Variants in FAM20A observed in about 807,000 individuals in gnomAD.
FAM20A encodes the protein FAM20A golgi associated secretory pathway pseudokinase.
FAM20A carries 42 observed loss-of-function variants against 52.0 expected under a neutral mutation model. The observed-to-expected ratio is 0.81, with a 90% CI of 0.63 to 1.04. FAM20A has a LOEUF of 1.04. Ranked by LOEUF, FAM20A falls within the 50% of genes least tolerant of loss-of-function variation. The pLI, the probability that FAM20A is intolerant of heterozygous loss-of-function variation, is 0.00. For missense variants in FAM20A, 742 were observed against 712.7 expected (o/e 1.04, Z -0.47); for synonymous variants, 304 against 298.9 (o/e 1.02, Z -0.18).
At chr17:68,575,377 C>T (rs2143820235) in intron 1 of FAM20A, among the ~76,000 whole-genome samples, 1 of 125,234 alleles carries the variant, frequency 8.0e-6, no homozygotes, top group East Asian at 2.3e-4. Flanking sequence ...GTTCACTTTA[C>T]TTTACATATA....
At chr17:68,574,414 G>A (rs765364049) in intron 1 of FAM20A, among the ~76,000 whole-genome samples, 1 of 152,030 alleles carries the variant, frequency 6.6e-6, no homozygotes, top group African/African-American at 2.4e-5. Context: ...CCACTCCCAC[G>A]ATAACCCGTT....
In FAM20A at chr17:68,539,426, G is replaced by T. The variant is rs907879049; in HGVS notation, c.1302-30C>A. ...GAGGAGAAACAGGCTTTTATGGGTG[G>T]CCGGCAGCATCCTTTGCATTCCCCT... On this transcript the variant is annotated intron_variant, in intron 9 of 10. Transcript: ENST00000592554. The T allele has an allele frequency of 3.1e-6, 5 of 1,603,268 alleles. No homozygotes were observed. The African/African-American group carries it at 6.7e-5, about 21-fold the overall frequency.
intron 1 of FAM20A, among the ~76,000 whole-genome samples, chr17:68,596,292 A>G (rs1426123556): frequency 6.6e-6 from 1 of 152,234 alleles, no homozygotes; most frequent in Admixed American, 6.5e-5. Context: ...AGATGTCAAG[A>G]AAGAAAAGCA....
At chr17:68,546,192 A>G (rs1406785228) in intron 4 of FAM20A, among the ~76,000 whole-genome samples, 3 of 120,288 alleles carry the variant, frequency 2.5e-5, no homozygotes, top group Non-Finnish European at 5.5e-5. Context: ...AAAAAAAAAA[A>G]AAAGCAGCAA....
At chr17:68,551,846 G>A (rs2086851282) in intron 4 of FAM20A, 27 bp downstream of exon 4, 1 of 1,540,374 alleles carries the variant, frequency 6.5e-7, no homozygotes, top group Non-Finnish European at 8.8e-7. Flanking sequence ...CCAACTGGGT[G>A]TGGAAAGGAG....
rs189498095 is a variant in FAM20A at position 68,597,157 on chromosome 17, T to C, written c.404+3106A>G. Among the ~76,000 whole-genome samples the C allele has an allele frequency of 2.1e-4, 32 of 152,116 alleles. 2 individuals are homozygous for C. The highest frequency in any genetic ancestry group is 7.7e-4 in the African/African-American group (32 of 41,470). The stretch of plus-strand genomic sequence containing the variant: ...AACCTACCTCTTATTGGTAATGAGC[T>C]TGAATTGTGGAAGGATACTTTCTGA... On this transcript the variant is annotated intron_variant, in intron 1 of 10. Coordinates refer to ENST00000592554, the MANE Select transcript of FAM20A (RefSeq NM_017565.4).
intron 8 of FAM20A, chr17:68,540,497 C>T (rs565126139): frequency 2.7e-5 from 13 of 474,436 alleles, no homozygotes; most frequent in Admixed American, 9.3e-5. Flanking sequence ...TCCGTGGCCT[C>T]GCCTGAGGCC....
chr17:68,554,014 A>G (rs529454142), intron 3 of FAM20A, among the ~76,000 whole-genome samples: 3,989 of 77,358 alleles, frequency 0.052, 243 homozygotes, highest in African/African-American at 0.21. Context: ...ATGCATATAT[A>G]CATATATACA....
At position 68,600,653 on chromosome 17, in the gene FAM20A, C is replaced by T. The variant is rs965321949; in HGVS notation, c.14G>A (p.Arg5His). 3.3e-5 allele frequency: 51 copies of T among 1,548,208 alleles called. No homozygotes were observed. Among genetic ancestry groups the T allele is most frequent in the Non-Finnish European group, 3.9e-5 (45 of 1,153,568 alleles). Residue 5 changes from arginine to histidine, a missense_variant, in exon 1 of 11, where the codon CGC (arginine) becomes CAC (histidine). Physicochemically the swap from Arg to His is conservative, Grantham distance 29. Transcript: ENST00000592554. This position sits in a 1 kb window ranked among gnomAD's most constrained non-coding sequence, Gnocchi z 6.2. The stretch of plus-strand genomic sequence containing the variant: ...CAGCAGAGTCAGTAGGCGGTCCCGG[C>T]GCAGCCCCGGCATGGCGTGCTGGCC... The part of the protein sequence containing the change: MPGL[R>H]RDRLLTLLLL...
At chr17:68,590,783 G>T (rs1167800017) in intron 1 of FAM20A, among the ~76,000 whole-genome samples, 2 of 152,132 alleles carry the variant, frequency 1.3e-5, no homozygotes, top group Admixed American at 6.5e-5. Context: ...TTCCATCTTG[G>T]TTCGGGGGAA....
chr17:68,564,726 C>A (rs1398433069), intron 1 of FAM20A, among the ~76,000 whole-genome samples: 1 of 152,176 alleles, frequency 6.6e-6, no homozygotes, highest in Non-Finnish European at 1.5e-5. Context: ...ATGGGGATGG[C>A]AGGAAGCCTG....
intron 1 of FAM20A, among the ~76,000 whole-genome samples, chr17:68,575,502 G>GTTATTATATATTTTAT (rs2087711608): frequency 1.1e-5 from 1 of 87,214 alleles, no homozygotes; most frequent in African/African-American, 4.7e-5. Context: ...ATAGATATTA[G>GTTATTATATATTTTAT]ATATTATATA....
intron 1 of FAM20A, among the ~76,000 whole-genome samples, chr17:68,595,976 C>A (rs565439599): frequency 6.6e-6 from 1 of 151,726 alleles, no homozygotes; most frequent in African/African-American, 2.4e-5. Flanking sequence ...CTCCTGACTT[C>A]TTCTCCACCC....
intron 3 of FAM20A, among the ~76,000 whole-genome samples, chr17:68,554,262 G>A (rs564448978): frequency 3.8e-4 from 58 of 152,012 alleles, no homozygotes; most frequent in African/African-American, 1.2e-3. Context: ...TCCCACGCTC[G>A]TCTAACTTTT....
In FAM20A at chr17:68,590,576, C is replaced by G. The variant is rs548731139; in HGVS notation, c.404+9687G>C. On this transcript the variant is annotated intron_variant, in intron 1 of 10. Transcript: ENST00000592554. ...TAAAAGAATGCCCAAATAAAGATTC[C>G]TATTTCCTTGGGAGGATTTTAATAG... 8.0e-3 allele frequency among the ~76,000 whole-genome samples: 1,220 copies of G among 152,308 alleles called. 17 individuals carry two copies. Among genetic ancestry groups the G allele is most frequent in the African/African-American group, 0.028 (1,167 of 41,558 alleles).
At chr17:68,540,782 G>A in intron 8 of FAM20A, 67 bp downstream of exon 8, 1 of 1,545,174 alleles carries the variant, frequency 6.5e-7, no homozygotes, top group Non-Finnish European at 8.7e-7. Flanking sequence ...TTGTGCTCAA[G>A]GTCACGGGGA....
intron 1 of FAM20A, 90 bp from the exon 2 acceptor site, chr17:68,555,833 A>G (rs2087036319): frequency 7.0e-7 from 1 of 1,419,286 alleles, no homozygotes; most frequent in African/African-American, 1.4e-5. Context: ...TCATCCTTTC[A>G]TTTATTCCAC....
intron 1 of FAM20A, among the ~76,000 whole-genome samples, chr17:68,588,307 G>A (rs987805531): frequency 1.3e-5 from 2 of 152,220 alleles, no homozygotes; most frequent in African/African-American, 4.8e-5. Context: ...GAAAGGCCAA[G>A]AGGCCTCTTG....
intron 1 of FAM20A, among the ~76,000 whole-genome samples, chr17:68,566,245 A>G (rs1266623129): frequency 6.6e-6 from 1 of 152,172 alleles, no homozygotes; most frequent in Non-Finnish European, 1.5e-5. Context: ...TGATTTAGGC[A>G]TATTTCTCAT....
Sources: gnomAD v4.1 joint callset for allele counts (sites outside exome capture counted in the v4.1 genomes callset) on GRCh38, gnomAD v4.1.1 for gene constraint, Gnocchi (gnomAD v3.1) non-coding constraint, MANE v1.5 for transcripts, NCBI Gene and HGNC (gene_info 2026-07-23, HGNC 2026-07-21) for gene names.